The following CA5A variants were observed in gnomAD, a reference collection of about 807,000 sequenced individuals.
CA5A encodes carbonic anhydrase 5A, mitochondrial.
Under a neutral mutation model 37.1 loss-of-function variants are expected in CA5A, and 28 were observed. That is an observed-to-expected ratio of 0.75 (90% CI 0.56 to 1.03). The LOEUF (loss-of-function observed/expected upper bound fraction) is 1.03, where lower values mean the gene tolerates loss of function less well. CA5A is among the 50% of genes least tolerant of loss of function. The pLI, the probability that CA5A is intolerant of heterozygous loss-of-function variation, is 0.00. For synonymous variants in CA5A, 171 were observed against 158.4 expected (o/e 1.08, Z -0.60); for missense variants, 444 against 399.9 (o/e 1.11, Z -0.94).
At position 87,926,601 on chromosome 16, in the gene CA5A, C is replaced by T. The variant is rs576161140; in HGVS notation, c.340+147G>A. 7.8e-6 allele frequency: 5 copies of T among 645,104 alleles called. No homozygotes were observed. In the East Asian group the frequency reaches 1.1e-4, roughly 14 times the overall value. 40.0% of individuals were successfully genotyped at this position (645,104 alleles called of 1,614,324 possible). On this transcript the variant is annotated intron_variant, in intron 2 of 6. Coordinates refer to ENST00000649794, the MANE Select transcript of CA5A (RefSeq NM_001739.2). Reference sequence around the variant, plus strand: ...CTTCACACCATCCCCCAGGTGTGTCCTCCCTCAAGCGAGTCTCTGTCCCTG... The same window carrying T: ...CTTCACACCATCCCCCAGGTGTGTCTTCCCTCAAGCGAGTCTCTGTCCCTG...
intron 2 of CA5A, among the ~76,000 whole-genome samples, chr16:87,916,411 G>A (rs993618967): frequency 6.6e-6 from 1 of 152,096 alleles, no homozygotes; most frequent in Non-Finnish European, 1.5e-5. Context: ...CGGTGATGCT[G>A]GAATGCTCCT....
At chr16:87,929,807 G>C (rs890292826) in intron 1 of CA5A, among the ~76,000 whole-genome samples, 3 of 137,394 alleles carry the variant, frequency 2.2e-5, no homozygotes, top group Non-Finnish European at 4.6e-5. Context: ...GGGAGGCGGA[G>C]CTTGCAGTGA....
rs775001135 is a variant in CA5A at position 87,926,875 on chromosome 16, C to G, written c.213G>C (p.Trp71Cys). ...GCTGGGGGTCATAGACGCTGTCCCT[C>G]CACTGGATGTTAATAGGAGACTGCC... The part of the protein sequence containing the change: ...GTRQSPINIQ[W>C]RDSVYDPQLK... The change falls in exon 2 of 7, where the codon TGG becomes TGC. Residue 71 changes from tryptophan (W) to cysteine (C), a missense_variant. Physicochemically the swap from Trp to Cys is radical, Grantham distance 215. Transcript: ENST00000649794. 1 of 1,612,450 alleles carries G rather than the reference C, an allele frequency of 6.2e-7. No individual in the cohort carries two copies. The highest frequency in any genetic ancestry group is 1.1e-5 in the South Asian group (1 of 90,770).
At chr16:87,913,305 CTT>C (rs56257660) in intron 2 of CA5A, among the ~76,000 whole-genome samples, 120 of 133,220 alleles carry the variant, frequency 9.0e-4, no homozygotes, top group African/African-American at 1.7e-3. Flanking sequence ...ATGTTCCAGT[CTT>C]TTTTTTTTTT....
rs2056322192 is a variant in CA5A, at chr16:87,926,956, A to G, written c.143-11T>C. On this transcript the variant is annotated splice_polypyrimidine_tract_variant and intron_variant, in intron 1 of 6. Transcript: ENST00000649794. ...TCCAGAGTGGGTGCACTGCAGGGAGAGAGACGGAGACCCTGAGTGAGGCAT... is the reference window on the plus strand; with the variant it reads ...TCCAGAGTGGGTGCACTGCAGGGAGGGAGACGGAGACCCTGAGTGAGGCAT... The G allele has an allele frequency of 1.3e-6, 2 of 1,531,766 alleles. No individual in the cohort carries two copies. Among genetic ancestry groups the G allele is most frequent in the African/African-American group, 2.7e-5 (2 of 73,220 alleles). The allele number at this position is 1,531,766 out of a possible 1,614,324, so 94.9% of individuals were successfully genotyped here.
intron 1 of CA5A, among the ~76,000 whole-genome samples, chr16:87,934,914 C>T (rs183987570): frequency 7.8e-4 from 119 of 152,336 alleles, no homozygotes; most frequent in Middle Eastern, 3.4e-3. Flanking sequence ...GAGCCGAGAT[C>T]GCACCACTGC....
chr16:87,935,550 A>C (rs1300334779), intron 1 of CA5A, among the ~76,000 whole-genome samples: 3 of 152,196 alleles, frequency 2.0e-5, no homozygotes, highest in African/African-American at 7.2e-5. Context: ...AACGGAGGCT[A>C]AATGATTCAC....
chr16:87,906,992 G>T (rs2055970622), intron 2 of CA5A, among the ~76,000 whole-genome samples: 1 of 151,988 alleles, frequency 6.6e-6, no homozygotes, highest in Admixed American at 6.5e-5. Flanking sequence ...CAAGGCGGGT[G>T]TATCACTTGA....
downstream of CA5A, chr16:87,887,772 C>A (rs1299894599): frequency 1.0e-4 from 19 of 189,902 alleles, no homozygotes; most frequent in East Asian, 1.9e-3. Context: ...TGCCCTAGAG[C>A]CTCAGAAGGA....
Position 87,926,930 on chromosome 16 carries a change from G to A in CA5A, c.158C>T (p.Thr53Met), listed in dbSNP as rs1468352092. 3.2e-6 allele frequency: 5 copies of A among 1,581,356 alleles called. No individual in the cohort carries two copies. The highest frequency in any genetic ancestry group is 1.8e-5 in the Admixed American group (1 of 54,966). ...TSNNTLHPLW[T>M]VPVSVPGGTR... ...GCCCCCTGGCACGGAGACCGGGACC[G>A]TCCAGAGTGGGTGCACTGCAGGGAG... Residue 53 changes from threonine to methionine, a missense_variant, in exon 2 of 7, where the codon ACG (threonine) becomes ATG (methionine). Transcript: ENST00000649794.
At chr16:87,896,903 G>A (rs1322589689) in intron 5 of CA5A, among the ~76,000 whole-genome samples, 1 of 152,248 alleles carries the variant, frequency 6.6e-6, no homozygotes, top group Non-Finnish European at 1.5e-5. Context: ...GCCTCCCACA[G>A]TGCTGGGATT....
chr16:87,913,503 T>G (rs1246722241), intron 2 of CA5A, among the ~76,000 whole-genome samples: 8 of 152,256 alleles, frequency 5.3e-5, no homozygotes, highest in Non-Finnish European at 1.5e-5. Context: ...ATCCTGCAGC[T>G]CACTGTGGTG....
chr16:87,896,214 G>T (rs2055800092), intron 5 of CA5A, among the ~76,000 whole-genome samples: 1 of 152,226 alleles, frequency 6.6e-6, no homozygotes, highest in Non-Finnish European at 1.5e-5. Context: ...CCCGTTCCGA[G>T]GTGCGGGCTC....
chr16:87,909,798 C>T (rs8055751), intron 2 of CA5A, among the ~76,000 whole-genome samples: 5,603 of 152,272 alleles, frequency 0.037, 126 homozygotes, highest in Middle Eastern at 0.11. Flanking sequence ...AAATGCCAAG[C>T]GTATTTCTTT....
At chr16:87,934,550 C>A in intron 1 of CA5A, among the ~76,000 whole-genome samples, 1 of 151,462 alleles carries the variant, frequency 6.6e-6, no homozygotes, top group East Asian at 2.0e-4. Context: ...GCCTGGGCAA[C>A]AAGACAGAAA....
rs11314702 is a variant in CA5A, at chr16:87,911,099, CAAAAAAAAAAA to C, written c.341-6206_341-6196del. ...ACAATGTCAGGGTATTCTCCTTAATCAAAAAAAAAAAAAAAAAAAAAGGCAAGCCCAATTCA... is the reference window on the plus strand; with the variant it reads ...ACAATGTCAGGGTATTCTCCTTAATCAAAAAAAAAAGGCAAGCCCAATTCA... On this transcript the variant is annotated intron_variant, in intron 2 of 6. Coordinates refer to ENST00000649794, the MANE Select transcript of CA5A (RefSeq NM_001739.2). This position sits in a 1 kb window ranked among gnomAD's most constrained non-coding sequence, Gnocchi z 4.6. 2.1e-5 allele frequency among the ~76,000 whole-genome samples: 2 copies of C among 96,562 alleles called. No individual in the cohort carries two copies. The highest frequency in any genetic ancestry group is 3.4e-5 in the African/African-American group (1 of 29,732). 63.3% of individuals were successfully genotyped at this position (96,562 alleles called of 152,430 possible). A position where few individuals can be genotyped will look rare whatever the true frequency, so the allele number is the denominator to read the frequency against.
intron 1 of CA5A, among the ~76,000 whole-genome samples, chr16:87,933,939 G>A (rs13337863): frequency 0.096 from 14,621 of 152,160 alleles, 1,066 homozygotes; most frequent in East Asian, 0.31. Flanking sequence ...CTGGGAACAG[G>A]TTGAGGACCA....
intron 2 of CA5A, among the ~76,000 whole-genome samples, chr16:87,916,754 A>G (rs1392860632): frequency 3.9e-5 from 6 of 152,210 alleles, no homozygotes; most frequent in African/African-American, 1.4e-4. Context: ...AAGACCACAC[A>G]GCACACAGGG....
chr16:87,903,423 A>T lies in CA5A; in HGVS notation c.460-903T>A, dbSNP rs1165262758. 5.3e-5 allele frequency among the ~76,000 whole-genome samples: 8 copies of T among 152,226 alleles called. No homozygotes were observed. In the South Asian group the frequency reaches 1.2e-3, roughly 24 times the overall value. ...CACTGCACTCCAGCCTAGGCAACAG[A>T]GTGATACTCAGTCTCAAAAACAGAT... On this transcript the variant is annotated intron_variant, in intron 3 of 6. Transcript: ENST00000649794.
Sources: allele counts gnomAD v4.1 joint callset (sites outside exome capture counted in the v4.1 genomes callset), GRCh38; gene constraint gnomAD v4.1.1; non-coding constraint Gnocchi (gnomAD v3.1); transcripts MANE v1.5; gene names NCBI Gene and HGNC (gene_info 2026-07-23, HGNC 2026-07-21).